The following PPP2R5A variants were observed in gnomAD, a reference collection of about 807,000 sequenced individuals.
The protein encoded by PPP2R5A is serine/threonine-protein phosphatase 2A 56 kDa regulatory subunit alpha isoform.
A neutral mutation model predicts 64.2 loss-of-function variants in PPP2R5A; 25 were observed. The observed-to-expected ratio is 0.39, with a 90% CI of 0.28 to 0.54. The LOEUF is 0.54. Among genes scored for constraint, PPP2R5A ranks in the 20% least tolerant of loss-of-function variants. The pLI, the probability that PPP2R5A is intolerant of heterozygous loss-of-function variation, is 0.67. For synonymous variants in PPP2R5A, 198 were observed against 201.2 expected (o/e 0.98, Z 0.13); for missense variants, 425 against 576.3 (o/e 0.74, Z 2.69).
In PPP2R5A at chr1:212,348,449, T is replaced by G; in HGVS notation, c.825T>G (p.Val275=). 1 of 1,610,270 alleles carries G rather than the reference T, an allele frequency of 6.2e-7. No individual in the cohort carries two copies. Among genetic ancestry groups the G allele is most frequent in the Non-Finnish European group, 8.5e-7 (1 of 1,177,308 alleles). Residue 275 remains valine (V), a synonymous_variant, in exon 7 of 13, where the codon GTT becomes GTG. Transcript: ENST00000261461. Reference sequence around the variant, plus strand: ...AACATAAACAATTTCTAATGAAGGTTCTTATTCCTATGCATACTGCAAAAG... The same window carrying G: ...AACATAAACAATTTCTAATGAAGGTGCTTATTCCTATGCATACTGCAAAAG... ...KAEHKQFLMK[V]LIPMHTAKGL...
At chr1:212,304,100 C>CAA (rs1658848672) in intron 1 of PPP2R5A, among the ~76,000 whole-genome samples, 5 of 152,188 alleles carry the variant, frequency 3.3e-5, no homozygotes, top group Admixed American at 3.3e-4. Flanking sequence ...TCTCTCTAAA[C>CAA]ACCCTTAAAT....
At chr1:212,353,867 G>A (rs1230915324) in intron 8 of PPP2R5A, among the ~76,000 whole-genome samples, 1 of 152,120 alleles carries the variant, frequency 6.6e-6, no homozygotes, top group East Asian at 1.9e-4. Flanking sequence ...ACAGTCATGT[G>A]CTGCATAATG....
chr1:212,350,561 C>T (rs1432960175), intron 8 of PPP2R5A, among the ~76,000 whole-genome samples: 1 of 150,654 alleles, frequency 6.6e-6, no homozygotes, highest in Non-Finnish European at 1.5e-5. Context: ...GGCAAGGGCA[C>T]AAGAATTGCT....
chr1:212,326,293 C>T (rs1223638769), intron 1 of PPP2R5A, among the ~76,000 whole-genome samples: 1 of 150,360 alleles, frequency 6.7e-6, no homozygotes, highest in Non-Finnish European at 1.5e-5. Context: ...AAGAACAGTT[C>T]CATAAAAGGT....
Position 212,288,052 on chromosome 1 carries a change from C to G in PPP2R5A, c.181+1761C>G, listed in dbSNP as rs370055668. On this transcript the variant is annotated intron_variant, in intron 1 of 12. Transcript: ENST00000261461. ...TTATTTTATTTTATTTTTTCACTTTCGTTGCTCAGGCTGGAGTGCAATGGC... is the reference window on the plus strand; with the variant it reads ...TTATTTTATTTTATTTTTTCACTTTGGTTGCTCAGGCTGGAGTGCAATGGC... 3.9e-5 allele frequency among the ~76,000 whole-genome samples: 6 copies of G among 152,060 alleles called. No homozygotes were observed. The South Asian group carries it at 8.3e-4, about 21-fold the overall frequency.
At chr1:212,354,743 AG>A (rs1659949099) in intron 8 of PPP2R5A, among the ~76,000 whole-genome samples, 2 of 151,770 alleles carry the variant, frequency 1.3e-5, no homozygotes, top group Admixed American at 6.6e-5. Flanking sequence ...AGAGAGAGAG[AG>A]AGAAATGTGA....
chr1:212,337,766 A>G (rs1248325714), intron 3 of PPP2R5A, among the ~76,000 whole-genome samples: 1 of 152,196 alleles, frequency 6.6e-6, no homozygotes, highest in Admixed American at 6.5e-5. Flanking sequence ...AAACTATTCA[A>G]GGTTTATGCA....
chr1:212,326,727 CATT>C (rs1659414007), intron 1 of PPP2R5A, among the ~76,000 whole-genome samples: 1 of 152,190 alleles, frequency 6.6e-6, no homozygotes, highest in Admixed American at 6.5e-5. Context: ...AGCAGAGAGT[CATT>C]ATTGATTCTG....
At chr1:212,333,232 A>G (rs375160228) in intron 2 of PPP2R5A, among the ~76,000 whole-genome samples, 1 of 152,138 alleles carries the variant, frequency 6.6e-6, no homozygotes, top group Non-Finnish European at 1.5e-5. Context: ...AAATTCGGAA[A>G]GAACAATTTA....
chr1:212,356,615 CT>C lies in PPP2R5A; in HGVS notation c.928-6del. The C allele has an allele frequency of 1.2e-6, 2 of 1,605,826 alleles. No homozygotes were observed. The highest frequency in any genetic ancestry group is 1.7e-6 in the Non-Finnish European group (2 of 1,177,238). The stretch of plus-strand genomic sequence containing the variant: ...TTATTAAATTCATGCTAAACTTTTT[CT>C]TTTTCGCAGGTGATCAGAGGACTGC... On this transcript the variant is annotated splice_polypyrimidine_tract_variant and intron_variant, in intron 8 of 12. Coordinates refer to ENST00000261461, the MANE Select transcript of PPP2R5A (RefSeq NM_006243.4).
intron 9 of PPP2R5A, 80 bp from the exon 10 acceptor site, chr1:212,356,870 T>A: frequency 7.4e-7 from 1 of 1,347,852 alleles, no homozygotes; most frequent in Non-Finnish European, 1.0e-6. Context: ...CTATGCAGAT[T>A]AACCTTCTCA....
intron 1 of PPP2R5A, among the ~76,000 whole-genome samples, chr1:212,327,879 A>C (rs1477157993): frequency 6.6e-6 from 1 of 152,126 alleles, no homozygotes; most frequent in Admixed American, 6.6e-5. Context: ...CAGTGGTGCG[A>C]TTTCGGCTCG....
intron 1 of PPP2R5A, among the ~76,000 whole-genome samples, chr1:212,309,886 C>T (rs937663825): frequency 6.6e-6 from 1 of 152,122 alleles, no homozygotes; most frequent in Non-Finnish European, 1.5e-5. Flanking sequence ...CAAAAAAGTC[C>T]TCACATCCTA....
chr1:212,352,662 G>C (rs1242632715), intron 8 of PPP2R5A, among the ~76,000 whole-genome samples: 1 of 152,052 alleles, frequency 6.6e-6, no homozygotes, highest in Non-Finnish European at 1.5e-5. Flanking sequence ...TCACCATGAT[G>C]CCCAGGCTGG....
chr1:212,306,056 A>G (rs760395507), intron 1 of PPP2R5A, among the ~76,000 whole-genome samples: 71 of 152,304 alleles, frequency 4.7e-4, no homozygotes, highest in Non-Finnish European at 8.7e-4. Flanking sequence ...ACAAAGGGGC[A>G]CGAGAGCCTT....
intron 8 of PPP2R5A, among the ~76,000 whole-genome samples, chr1:212,356,146 G>A (rs1659973821): frequency 6.6e-6 from 1 of 152,132 alleles, no homozygotes; most frequent in Non-Finnish European, 1.5e-5. Context: ...GAAATAGACT[G>A]AGAAGCTGTC....
chr1:212,338,560 A>AGGTG, intron 3 of PPP2R5A, among the ~76,000 whole-genome samples: 1 of 152,026 alleles, frequency 6.6e-6, no homozygotes, highest in South Asian at 2.1e-4. Flanking sequence ...TCATGAGGTC[A>AGGTG]GAAGGATCAT....
At chr1:212,316,780 G>C (rs542850601) in intron 1 of PPP2R5A, among the ~76,000 whole-genome samples, 1 of 151,950 alleles carries the variant, frequency 6.6e-6, no homozygotes, top group East Asian at 1.9e-4. Context: ...AAAAATTACT[G>C]TAAGAGTTGG....
chr1:212,313,029 A>G (rs1659067796), intron 1 of PPP2R5A, among the ~76,000 whole-genome samples: 2 of 152,218 alleles, frequency 1.3e-5, no homozygotes, highest in Admixed American at 6.5e-5. Context: ...TCTGTTTAGT[A>G]CTTTCCTATG....
Sources: gnomAD v4.1 joint callset for allele counts (sites outside exome capture counted in the v4.1 genomes callset) on GRCh38, gnomAD v4.1.1 for gene constraint, MANE v1.5 for transcripts, NCBI Gene and HGNC (gene_info 2026-07-23, HGNC 2026-07-21) for gene names.